The following TGIF1 variants were observed in gnomAD, a reference collection of about 807,000 sequenced individuals.
TGIF1 encodes TGFB induced factor homeobox 1, also known as homeobox protein TGIF1.
A neutral mutation model predicts 19.3 loss-of-function variants in TGIF1; 4 were observed. That is an observed-to-expected ratio of 0.21 (90% CI 0.10 to 0.47). TGIF1 has a LOEUF of 0.47. TGIF1 is among the 20% of genes least tolerant of loss of function. The pLI, the probability that TGIF1 is intolerant of heterozygous loss-of-function variation, is 0.98. For synonymous variants in TGIF1, 122 were observed against 129.3 expected, an observed-to-expected ratio of 0.94 and a Z score of 0.38; for missense variants, 275 against 341.4, an observed-to-expected ratio of 0.81 and a Z score of 1.53.
chr18:3,443,087 T>G (rs2082694795), intron 2 of TGIF1, among the ~76,000 whole-genome samples: 1 of 152,184 alleles, frequency 6.6e-6, no homozygotes. Context: ...CCCCAAAAGA[T>G]CTGCATACAA....
upstream of TGIF1, among the ~76,000 whole-genome samples, chr18:3,445,759 G>GA (rs2082735951): frequency 1.6e-4 from 5 of 31,514 alleles, no homozygotes; most frequent in South Asian, 1.3e-3. Context: ...AAAAAGAGAA[G>GA]AAAAGCAAAA....
In TGIF1 at chr18:3,451,579, G is replaced by C. The variant is rs977526375; in HGVS notation, c.16+1074G>C. On this transcript the variant is annotated intron_variant, in intron 1 of 2. Transcript: ENST00000343820. This position sits in a 1 kb window ranked among gnomAD's most constrained non-coding sequence, Gnocchi z 5.4. The stretch of plus-strand genomic sequence containing the variant: ...ACTGCGCATGCCCGGGAGCCGCCTG[G>C]AGTTTGGAACTCCACATTCTTTCAG... The C allele has an allele frequency of 2.2e-5, 23 of 1,028,682 alleles. No individual in the cohort carries two copies. Among genetic ancestry groups the C allele is most frequent in the Non-Finnish European group, 2.7e-5 (23 of 859,088 alleles). The allele number at this position is 1,028,682 out of a possible 1,614,324, so 63.7% of individuals were successfully genotyped here.
chr18:3,428,507 G>A (rs1396341686), intron 2 of TGIF1, among the ~76,000 whole-genome samples: 1 of 151,996 alleles, frequency 6.6e-6, no homozygotes, highest in Non-Finnish European at 1.5e-5. Flanking sequence ...GGAGGCTGAG[G>A]CGGGCAGATC....
chr18:3,433,951 A>C (rs1315149595), intron 2 of TGIF1, among the ~76,000 whole-genome samples: 1 of 152,212 alleles, frequency 6.6e-6, no homozygotes. Flanking sequence ...CCAGGTTTAT[A>C]CTTTAACTAC....
At position 3,432,365 on chromosome 18, in the gene TGIF1, G is replaced by A. The variant is rs79273049; in HGVS notation, c.-45+14150G>A. On this transcript the variant is annotated intron_variant, in intron 2 of 3. Coordinates refer to the TGIF1 transcript ENST00000401449. ...GAGATATGCTTACTCAATACAGTGC[G>A]TGATCCTACATCGGATCTTAGTCTG... Among the ~76,000 whole-genome samples, 33 of 152,204 alleles carry A rather than the reference G, an allele frequency of 2.2e-4. 1 individual carries two copies. The East Asian group carries it at 4.6e-3, about 21-fold the overall frequency.
chr18:3,446,436 G>C (rs1286285404), upstream of TGIF1, among the ~76,000 whole-genome samples: 8 of 152,066 alleles, frequency 5.3e-5, no homozygotes, highest in Non-Finnish European at 1.2e-4. Context: ...CACCCACCTC[G>C]GCCTCCCAAA....
chr18:3,433,073 C>CTT (rs925733282), intron 2 of TGIF1, among the ~76,000 whole-genome samples: 13 of 139,090 alleles, frequency 9.3e-5, no homozygotes, highest in African/African-American at 3.6e-4. Flanking sequence ...TCTTCTTCTT[C>CTT]TTTTTTTTTT....
intron 2 of TGIF1, chr18:3,418,627 G>A (rs1179136135): frequency 2.6e-5 from 4 of 152,172 alleles, no homozygotes; most frequent in Admixed American, 2.6e-4. Context: ...GGTTGAATCT[G>A]CACATACAGA....
rs370771878 is a variant in TGIF1 at position 3,456,674 on chromosome 18, A to G, written c.243+94A>G. 1.8e-6 allele frequency: 2 copies of G among 1,089,114 alleles called. No homozygotes were observed. The highest frequency in any genetic ancestry group is 3.1e-5 in the African/African-American group (2 of 64,790). The allele number at this position is 1,089,114 out of a possible 1,614,324, so 67.5% of individuals were successfully genotyped here. ...GTGTCAAGTCATTAAGCTCCTTGCCACTCAAAGACAGAAGGAATATCTTTT... is the reference window on the plus strand; with the variant it reads ...GTGTCAAGTCATTAAGCTCCTTGCCGCTCAAAGACAGAAGGAATATCTTTT... On this transcript the variant is annotated intron_variant, in intron 2 of 2. Transcript: ENST00000343820. This position sits in a 1 kb window ranked among gnomAD's most constrained non-coding sequence, Gnocchi z 4.2.
intron 2 of TGIF1, among the ~76,000 whole-genome samples, chr18:3,429,675 C>T (rs2082521572): frequency 6.6e-6 from 1 of 152,142 alleles, no homozygotes; most frequent in Admixed American, 6.5e-5. Flanking sequence ...GTGACCAAAG[C>T]ATGATGTTAC....
At chr18:3,421,862 C>T (rs1475628840) in intron 2 of TGIF1, among the ~76,000 whole-genome samples, 1 of 151,874 alleles carries the variant, frequency 6.6e-6, no homozygotes, top group African/African-American at 2.4e-5. Flanking sequence ...GTGTTATTGC[C>T]CCAAAGACCT....
At chr18:3,433,321 G>C (rs553507883) in intron 2 of TGIF1, among the ~76,000 whole-genome samples, 2 of 152,084 alleles carry the variant, frequency 1.3e-5, no homozygotes, top group African/African-American at 4.8e-5. Context: ...TGATCCGCCC[G>C]CCTCAGCCTC....
intron 2 of TGIF1, among the ~76,000 whole-genome samples, chr18:3,422,978 C>T (rs189434206): frequency 1.1e-4 from 17 of 152,100 alleles, no homozygotes; most frequent in East Asian, 7.7e-4. Flanking sequence ...CGTGAGCCAC[C>T]GCGCCCAGGC....
At chr18:3,447,041 C>T (rs762010043), upstream of TGIF1, among the ~76,000 whole-genome samples, 2 of 152,164 alleles carry the variant, frequency 1.3e-5, no homozygotes, top group African/African-American at 2.4e-5. Flanking sequence ...ACTTTTCTGG[C>T]TTATCTGCCT....
intron 1 of TGIF1, among the ~76,000 whole-genome samples, chr18:3,417,146 G>T (rs558275614): frequency 2.1e-4 from 32 of 151,420 alleles, no homozygotes; most frequent in African/African-American, 4.2e-4. Context: ...TTTGTTTTTT[G>T]TTGTTGTTGT....
chr18:3,451,969 G>A lies in TGIF1; in HGVS notation c.16+1464G>A. ...CTCCCGGGAATAAGTGAGGGGCTCT[G>A]TGTTTCGAGGATGGTTCTAGCGCAG... On this transcript the variant is annotated intron_variant, in intron 1 of 2. Coordinates refer to ENST00000343820, the MANE Select transcript of TGIF1 (RefSeq NM_003244.4). This position sits in a 1 kb window ranked among gnomAD's most constrained non-coding sequence, Gnocchi z 5.4. The A allele has an allele frequency of 1.3e-6, 2 of 1,572,876 alleles. No individual in the cohort carries two copies. The highest frequency in any genetic ancestry group is 1.7e-6 in the Non-Finnish European group (2 of 1,157,408).
In TGIF1 at chr18:3,456,313, G is replaced by C; in HGVS notation, c.17-41G>C. 4 of 1,569,798 alleles carry C rather than the reference G, an allele frequency of 2.5e-6. No homozygotes were observed. Among genetic ancestry groups the C allele is most frequent in the South Asian group, 1.1e-5 (1 of 90,112 alleles). On this transcript the variant is annotated intron_variant, in intron 1 of 2. Coordinates refer to ENST00000343820, the MANE Select transcript of TGIF1 (RefSeq NM_003244.4). The surrounding 1 kb of genome is among the most constrained non-coding windows in gnomAD (Gnocchi z 4.2). Reference sequence around the variant, plus strand: ...AAGTGAGCTTTGCAATAGTTGCTGTGCTTATAAAGCAACTGACAACTGGCC... The same window carrying C: ...AAGTGAGCTTTGCAATAGTTGCTGTCCTTATAAAGCAACTGACAACTGGCC...
chr18:3,419,153 C>A (rs2143123427), intron 2 of TGIF1, among the ~76,000 whole-genome samples: 1 of 152,274 alleles, frequency 6.6e-6, no homozygotes, highest in East Asian at 1.9e-4. Flanking sequence ...ACCATAAATA[C>A]ACTGGAATTC....
At position 3,456,415 on chromosome 18, in the gene TGIF1, C is replaced by T. The variant is rs2049355814; in HGVS notation, c.78C>T (p.Asp26=). 1 of 1,614,126 alleles carries T rather than the reference C, an allele frequency of 6.2e-7. No individual in the cohort carries two copies. Among genetic ancestry groups the T allele is most frequent in the Admixed American group, 1.7e-5 (1 of 60,006 alleles). The stretch of plus-strand genomic sequence containing the variant: ...AGGACAGCATGGACATTCCCTTGGA[C>T]CTTTCTTCATCCGCTGGCTCAGGCA... The part of the protein sequence containing the change: ...EDEDSMDIPL[D]LSSSAGSGKR... The change falls in exon 2 of 3, where the codon GAC becomes GAT. Residue 26 remains aspartate, a synonymous_variant. Transcript: ENST00000343820. The surrounding 1 kb of genome is among the most constrained non-coding windows in gnomAD (Gnocchi z 4.2).
Sources: gnomAD v4.1 joint callset for allele counts (sites outside exome capture counted in the v4.1 genomes callset) on GRCh38, gnomAD v4.1.1 for gene constraint, Gnocchi (gnomAD v3.1) non-coding constraint, MANE v1.5 for transcripts, NCBI Gene and HGNC (gene_info 2026-07-23, HGNC 2026-07-21) for gene names.